CD200R1: variants seen among roughly 807,000 people sequenced by gnomAD.
CD200R1 encodes cell surface glycoprotein CD200 receptor 1.
CD200R1 carries 30 observed loss-of-function variants against 38.1 expected under a neutral mutation model. The observed-to-expected ratio is 0.79, with a 90% confidence interval of 0.59 to 1.07. CD200R1 has a LOEUF of 1.07. Among genes scored for constraint, CD200R1 ranks in the 50% least tolerant of loss-of-function variants. The probability of loss-of-function intolerance (pLI) is 0.00; values close to 1 mark genes in which losing one functional copy is unlikely to be tolerated. For synonymous variants in CD200R1, 128 were observed against 152.1 expected, an observed-to-expected ratio of 0.84 and a Z score of 1.16; for missense variants, 372 against 415.4, an observed-to-expected ratio of 0.90 and a Z score of 0.91.
intron 1 of CD200R1, among the ~76,000 whole-genome samples, chr3:112,950,121 A>G (rs932782519): frequency 2.0e-5 from 3 of 152,244 alleles, no homozygotes; most frequent in Non-Finnish European, 4.4e-5. Context: ...GGCAAAATCC[A>G]AAAGTTTGAC....
intron 2 of CD200R1, among the ~76,000 whole-genome samples, chr3:112,934,640 G>A (rs1940533904): frequency 6.6e-6 from 1 of 152,030 alleles, no homozygotes; most frequent in Non-Finnish European, 1.5e-5. Context: ...GACTAGCCCG[G>A]CCAACATGAT....
At chr3:112,936,408 A>G (rs1940582379) in intron 2 of CD200R1, among the ~76,000 whole-genome samples, 2 of 152,162 alleles carry the variant, frequency 1.3e-5, no homozygotes, top group Admixed American at 6.5e-5. Flanking sequence ...GCACTAATTT[A>G]CACTCCCACC....
chr3:112,970,746 T>C (rs1056318227), intron 1 of CD200R1, among the ~76,000 whole-genome samples: 2 of 152,138 alleles, frequency 1.3e-5, no homozygotes, highest in Non-Finnish European at 2.9e-5. Flanking sequence ...TACGGTAAAC[T>C]CTCTCATTTG....
intron 1 of CD200R1, among the ~76,000 whole-genome samples, chr3:112,952,853 T>G (rs937318755): frequency 3.3e-5 from 5 of 152,146 alleles, no homozygotes; most frequent in Non-Finnish European, 4.4e-5. Context: ...TATAAGACCA[T>G]GTTGTCTGCA....
chr3:112,956,337 C>G (rs544201011), intron 1 of CD200R1, among the ~76,000 whole-genome samples: 6 of 151,982 alleles, frequency 3.9e-5, no homozygotes, highest in African/African-American at 4.8e-5. Context: ...TATTTTTCAG[C>G]ACTAGGATTT....
intron 2 of CD200R1, among the ~76,000 whole-genome samples, chr3:112,939,316 T>C (rs1940661316): frequency 6.6e-6 from 1 of 151,790 alleles, no homozygotes; most frequent in Non-Finnish European, 1.5e-5. Flanking sequence ...GTACATCCAA[T>C]TTAGAAAGGA....
At chr3:112,929,136 G>T (rs1940354778) in intron 4 of CD200R1, 54 bp downstream of exon 4, 1 of 1,612,170 alleles carries the variant, frequency 6.2e-7, no homozygotes, top group East Asian at 2.2e-5. Flanking sequence ...AGAGACATTT[G>T]TTTCCGTCAC....
intron 1 of CD200R1, among the ~76,000 whole-genome samples, chr3:112,966,127 A>G (rs1933155255): frequency 6.6e-6 from 1 of 152,220 alleles, no homozygotes; most frequent in Non-Finnish European, 1.5e-5. Context: ...AAAGAAGTCC[A>G]CACTGGACAA....
intron 2 of CD200R1, among the ~76,000 whole-genome samples, chr3:112,945,056 T>C (rs1041721655): frequency 3.3e-5 from 5 of 152,130 alleles, no homozygotes; most frequent in Non-Finnish European, 7.4e-5. Context: ...AAAACTCTGA[T>C]GGAAAAGAAT....
chr3:112,923,228 C>G lies in CD200R1; in HGVS notation c.*449G>C, dbSNP rs35099230. On this transcript the variant is annotated 3_prime_UTR_variant, in exon 8 of 8. Transcript: ENST00000308611. ...AGAACAGTAATGCAGTGTATTGTTC[C>G]CACTGGTGCCTTGACAAAGATATGT... 1.3e-3 allele frequency: 197 copies of G among 153,260 alleles called. No individual in the cohort carries two copies. Among genetic ancestry groups the G allele is most frequent in the Admixed American group, 2.6e-3 (40 of 15,348 alleles). The allele number at this position is 153,260 out of a possible 1,614,324, so 9.5% of individuals were successfully genotyped here. A position where few individuals can be genotyped will look rare whatever the true frequency, so the allele number is the denominator to read the frequency against.
intron 2 of CD200R1, among the ~76,000 whole-genome samples, chr3:112,933,238 C>A (rs1225602026): frequency 6.6e-6 from 1 of 152,222 alleles, no homozygotes; most frequent in East Asian, 1.9e-4. Context: ...CCCTAGCAGA[C>A]ATGCCCTGAG....
intron 1 of CD200R1, among the ~76,000 whole-genome samples, chr3:112,963,515 G>T (rs934256659): frequency 2.0e-5 from 3 of 152,210 alleles, no homozygotes; most frequent in African/African-American, 7.2e-5. Flanking sequence ...CAAAGATACT[G>T]CCAGCATTTT....
intron 3 of CD200R1, among the ~76,000 whole-genome samples, chr3:112,930,823 T>A (rs1209879298): frequency 1.3e-5 from 2 of 152,230 alleles, no homozygotes; most frequent in African/African-American, 4.8e-5. Flanking sequence ...CATAACTAGA[T>A]GAAGAAAGAG....
chr3:112,954,039 C>A (rs147952689), intron 1 of CD200R1, among the ~76,000 whole-genome samples: 9 of 152,058 alleles, frequency 5.9e-5, no homozygotes, highest in African/African-American at 2.2e-4. Flanking sequence ...TGAGATTTTT[C>A]TTCTTTCTTA....
At chr3:112,935,306 T>A (rs1940549659) in intron 2 of CD200R1, among the ~76,000 whole-genome samples, 1 of 152,220 alleles carries the variant, frequency 6.6e-6, no homozygotes, top group Non-Finnish European at 1.5e-5. Context: ...CACCAGCACA[T>A]GGAACATTCT....
At chr3:112,950,175 G>T (rs1940945904) in intron 1 of CD200R1, among the ~76,000 whole-genome samples, 1 of 152,146 alleles carries the variant, frequency 6.6e-6, no homozygotes, top group Admixed American at 6.5e-5. Flanking sequence ...AGGTATGTCT[G>T]TATGTTGGTA....
Position 112,929,315 on chromosome 3 carries a change from G to C in CD200R1, c.395C>G (p.Ser132Cys), listed in dbSNP as rs1270690248. ...AAGGTCCGAATTCTGATCAGGTCTG[G>C]AGACCCAGGTTATTCTCTCATCAGT... ...NCTDERITWV[S>C]RPDQNSDLQI... is the part of the protein sequence containing the mutation. The change falls in exon 4 of 8, where the codon TCC becomes TGC. Residue 132 changes from serine to cysteine, a missense_variant. Physicochemically the swap from Ser to Cys is moderately radical, Grantham distance 112. Coordinates refer to ENST00000308611, the MANE Select transcript of CD200R1 (RefSeq NM_138806.4). 1 of 1,614,006 alleles carries C rather than the reference G, an allele frequency of 6.2e-7. No homozygotes were observed. The highest frequency in any genetic ancestry group is 8.5e-7 in the Non-Finnish European group (1 of 1,180,000).
At chr3:112,938,480 T>C (rs1364835578) in intron 2 of CD200R1, among the ~76,000 whole-genome samples, 1 of 151,996 alleles carries the variant, frequency 6.6e-6, no homozygotes, top group Non-Finnish European at 1.5e-5. Context: ...TATGAACAAC[T>C]ACACATGAAT....
intron 1 of CD200R1, among the ~76,000 whole-genome samples, chr3:112,971,707 C>T (rs537716936): frequency 6.6e-6 from 1 of 152,238 alleles, no homozygotes; most frequent in East Asian, 1.9e-4. Flanking sequence ...TGACTAATAC[C>T]CAGGTTCTTT....
Sources: allele counts gnomAD v4.1 joint callset (sites outside exome capture counted in the v4.1 genomes callset), GRCh38; gene constraint gnomAD v4.1.1; transcripts MANE v1.5; gene names NCBI Gene and HGNC (gene_info 2026-07-23, HGNC 2026-07-21).